MORN5: variants seen among roughly 807,000 people sequenced by gnomAD.
The protein encoded by MORN5 is MORN repeat containing 5.
In MORN5, 21 loss-of-function variants were observed where a neutral mutation model predicts 22.1. The observed-to-expected ratio is 0.95, with a 90% CI of 0.67 to 1.37. MORN5 has a LOEUF of 1.37. MORN5 is among the 40% of genes most tolerant of loss of function. The pLI, the probability that MORN5 is intolerant of heterozygous loss-of-function variation, is 0.00. For synonymous variants in MORN5, 73 were observed against 74.0 expected (o/e 0.99, Z 0.07); for missense variants, 211 against 215.1 (o/e 0.98, Z 0.12).
chr9:122,199,556 CGTGGGCT>C (rs761001227), intron 4 of MORN5, among the ~76,000 whole-genome samples: 80 of 152,250 alleles, frequency 5.3e-4, no homozygotes, highest in Admixed American at 9.8e-4. Flanking sequence ...GGCTGTCGTG[CGTGGGCT>C]GTCAGACCAG....
intron 3 of MORN5, among the ~76,000 whole-genome samples, chr9:122,171,946 C>CTTTT (rs71371928): frequency 2.7e-4 from 16 of 58,572 alleles, no homozygotes; most frequent in African/African-American, 7.3e-4. Context: ...TCACTTCCAT[C>CTTTT]TTTTTTTTTT....
At chr9:122,195,089 G>C (rs1416128139) in intron 4 of MORN5, among the ~76,000 whole-genome samples, 2 of 152,058 alleles carry the variant, frequency 1.3e-5, no homozygotes, top group Non-Finnish European at 2.9e-5. Context: ...GAAAGAAAAG[G>C]GAGTGAATGA....
intron 1 of MORN5, among the ~76,000 whole-genome samples, chr9:122,165,571 T>C (rs1284010242): frequency 2.0e-5 from 3 of 151,878 alleles, no homozygotes; most frequent in African/African-American, 7.3e-5. Flanking sequence ...CAAGATCTGG[T>C]CTTGGGAAAA....
intron 1 of MORN5, among the ~76,000 whole-genome samples, chr9:122,160,643 C>G (rs1829182449): frequency 6.6e-6 from 1 of 151,230 alleles, no homozygotes; most frequent in Non-Finnish European, 1.5e-5. Flanking sequence ...CAGACAAGAT[C>G]TCGCTCTGTT....
Position 122,164,160 on chromosome 9 carries a change from C to A in MORN5, c.48-2608C>A, listed in dbSNP as rs992334378. Among the ~76,000 whole-genome samples, 3 of 151,958 alleles carry A rather than the reference C, an allele frequency of 2.0e-5. No individual in the cohort carries two copies. In the East Asian group the frequency reaches 5.8e-4, roughly 29 times the overall value. ...ACTTACTTTGAATTTAGAAGGCAGG[C>A]TTTTCACCTTGAATGAATTTTTTAA... On this transcript the variant is annotated intron_variant, in intron 1 of 4. Coordinates refer to ENST00000373764, the MANE Select transcript of MORN5 (RefSeq NM_198469.4).
chr9:122,170,367 A>T (rs929754930), intron 3 of MORN5, among the ~76,000 whole-genome samples: 1 of 152,126 alleles, frequency 6.6e-6, no homozygotes, highest in African/African-American at 2.4e-5. Context: ...TGTAAATAAG[A>T]TAATTCATGT....
chr9:122,185,206 C>T (rs762130166), intron 4 of MORN5, among the ~76,000 whole-genome samples: 23 of 151,572 alleles, frequency 1.5e-4, no homozygotes, highest in Non-Finnish European at 2.8e-4. Flanking sequence ...CAGGCGCCCA[C>T]CACCATGTTC....
Position 122,184,213 on chromosome 9 carries a change from G to A in MORN5, c.439+9586G>A, listed in dbSNP as rs539574992. On this transcript the variant is annotated intron_variant, in intron 4 of 4. Coordinates refer to ENST00000373764, the MANE Select transcript of MORN5 (RefSeq NM_198469.4). ...AATTTCCCCAGGAAATTTGGCAGGA[G>A]CCCGAATTCACACTCAGGCTCGCCT... Among the ~76,000 whole-genome samples, 3 of 152,264 alleles carry A rather than the reference G, an allele frequency of 2.0e-5. No individual in the cohort carries two copies. The East Asian group carries it at 5.8e-4, about 29-fold the overall frequency.
intron 1 of MORN5, among the ~76,000 whole-genome samples, chr9:122,165,411 A>T (rs1217308310): frequency 6.6e-6 from 1 of 151,212 alleles, no homozygotes; most frequent in Non-Finnish European, 1.5e-5. Flanking sequence ...AAAAAAAAAA[A>T]AAAAAAAAAT....
rs1175478327 is a variant in MORN5, at chr9:122,159,986, G to A, written c.14G>A (p.Gly5Glu). 1.2e-6 allele frequency: 2 copies of A among 1,613,976 alleles called. No individual in the cohort carries two copies. Among genetic ancestry groups the A allele is most frequent in the East Asian group, 2.2e-5 (1 of 44,886 alleles). The change falls in exon 1 of 5, where the codon GGG becomes GAG. Residue 5 changes from glycine to glutamate, a missense_variant. Physicochemically the swap from Gly to Glu is moderately conservative, Grantham distance 98 (BLOSUM62 -2). Transcript: ENST00000373764. The stretch of plus-strand genomic sequence containing the variant: ...AAAACAGGCGCCATGGAGTACACAG[G>A]GAGCAAATATATCGGGGAATATGTA... The part of the protein sequence containing the change: MEYT[G>E]SKYIGEYVDG...
rs1346651198 is a variant in MORN5, at chr9:122,197,857, T to C, written c.440-2028T>C. 6.6e-6 allele frequency among the ~76,000 whole-genome samples: 1 copy of C among 152,226 alleles called. No homozygotes were observed. Among genetic ancestry groups the C allele is most frequent in the East Asian group, 1.9e-4 (1 of 5,202 alleles). On this transcript the variant is annotated intron_variant, in intron 4 of 4. Coordinates refer to ENST00000373764, the MANE Select transcript of MORN5 (RefSeq NM_198469.4). The surrounding 1 kb of genome is among the most constrained non-coding windows in gnomAD (Gnocchi z 5.7). ...TAACTCCTTGTGTGCTGACACATCA[T>C]CGCTGCTTTCCCCACCCCTGGATTT...
chr9:122,165,452 G>C (rs1829262831), intron 1 of MORN5, among the ~76,000 whole-genome samples: 1 of 151,310 alleles, frequency 6.6e-6, no homozygotes, highest in African/African-American at 2.4e-5. Context: ...GGGCACACCT[G>C]TGGTTCCAAC....
At chr9:122,168,927 T>C (rs1004072128) in intron 2 of MORN5, among the ~76,000 whole-genome samples, 4 of 152,060 alleles carry the variant, frequency 2.6e-5, no homozygotes, top group African/African-American at 9.7e-5. Flanking sequence ...AAGCTGTTAG[T>C]GTAGTTCCAG....
chr9:122,196,327 A>G (rs912713028), intron 4 of MORN5, among the ~76,000 whole-genome samples: 1 of 135,646 alleles, frequency 7.4e-6, no homozygotes, highest in African/African-American at 3.2e-5. Context: ...GTAGGAAAAA[A>G]GCCAATAATT....
chr9:122,194,777 T>C (rs1176804105), intron 4 of MORN5, among the ~76,000 whole-genome samples: 1 of 152,072 alleles, frequency 6.6e-6, no homozygotes, highest in East Asian at 1.9e-4. Context: ...CCCAACACTT[T>C]AAGAGGCCGA....
chr9:122,163,803 C>G (rs984860766), intron 1 of MORN5, among the ~76,000 whole-genome samples: 15 of 152,220 alleles, frequency 9.9e-5, no homozygotes, highest in Admixed American at 2.6e-4. Context: ...TATTTCATCT[C>G]TGTAACTCTC....
intron 4 of MORN5, among the ~76,000 whole-genome samples, chr9:122,196,245 CA>C (rs1829888353): frequency 6.6e-6 from 1 of 151,990 alleles, no homozygotes; most frequent in South Asian, 2.1e-4. Context: ...AGTTATGAGC[CA>C]CCACGCCCAG....
At chr9:122,180,396 C>T (rs1829519891) in intron 4 of MORN5, among the ~76,000 whole-genome samples, 1 of 150,926 alleles carries the variant, frequency 6.6e-6, no homozygotes, top group African/African-American at 2.4e-5. Context: ...AGTGATTCTC[C>T]TGTGTCAGCC....
rs546543787 is a variant in MORN5, at chr9:122,165,266, A to G, written c.48-1502A>G. Among the ~76,000 whole-genome samples, 4 of 152,176 alleles carry G rather than the reference A, an allele frequency of 2.6e-5. No homozygotes were observed. The East Asian group carries it at 7.7e-4, about 29-fold the overall frequency. On this transcript the variant is annotated intron_variant, in intron 1 of 4. Transcript: ENST00000373764. Reference sequence around the variant, plus strand: ...TTAATTGCAGCCATTTCACCCATAAAGAAACTGGTCAGCCCAGTGCAGTGG... The same window carrying G: ...TTAATTGCAGCCATTTCACCCATAAGGAAACTGGTCAGCCCAGTGCAGTGG...
Sources: gnomAD v4.1 joint callset for allele counts (sites outside exome capture counted in the v4.1 genomes callset) on GRCh38, gnomAD v4.1.1 for gene constraint, Gnocchi (gnomAD v3.1) non-coding constraint, MANE v1.5 for transcripts, NCBI Gene and HGNC (gene_info 2026-07-23, HGNC 2026-07-21) for gene names.